Variants in VPS13B observed in about 807,000 individuals in gnomAD.
The protein encoded by VPS13B is vacuolar protein sorting 13 homolog B.
In VPS13B, 285 loss-of-function variants were observed where a neutral mutation model predicts 426.4. The observed-to-expected ratio is 0.67, with a 90% CI of 0.61 to 0.74. The LOEUF (loss-of-function observed/expected upper bound fraction) is 0.74. Ranked by LOEUF, VPS13B falls within the 30% of genes least tolerant of loss-of-function variation. VPS13B has a pLI of 0.00. For synonymous variants in VPS13B, 1,676 were observed against 1,676.4 expected, an observed-to-expected ratio of 1.00 and a Z score of 0.01; for missense variants, 4,537 against 4,782.6, an observed-to-expected ratio of 0.95 and a Z score of 1.51.
chr8:99,038,606 T>G (rs1352940987), intron 3 of VPS13B, 40 bp downstream of exon 3: 1 of 1,577,212 alleles, frequency 6.3e-7, no homozygotes, highest in South Asian at 1.1e-5. Flanking sequence ...GTTAACTAAT[T>G]TTAGTAGTAT....
At chr8:99,572,193 A>G (rs908528659) in intron 31 of VPS13B, among the ~76,000 whole-genome samples, 57 of 152,344 alleles carry the variant, frequency 3.7e-4, no homozygotes, top group Middle Eastern at 3.4e-3. Context: ...TTATTAGTTG[A>G]TAAAATGAAA....
chr8:99,628,723 A>G (rs925299329), intron 33 of VPS13B, among the ~76,000 whole-genome samples: 2 of 152,068 alleles, frequency 1.3e-5, no homozygotes, highest in Non-Finnish European at 1.5e-5. Flanking sequence ...AATGAACTCC[A>G]GAGTTATATT....
At chr8:99,698,633 T>C (rs1832133733) in intron 35 of VPS13B, among the ~76,000 whole-genome samples, 2 of 152,230 alleles carry the variant, frequency 1.3e-5, no homozygotes, top group African/African-American at 4.8e-5. Flanking sequence ...CAGGGTGTCA[T>C]GAAATGAGCA....
chr8:99,616,162 A>T (rs968141258), intron 33 of VPS13B, among the ~76,000 whole-genome samples: 21 of 152,164 alleles, frequency 1.4e-4, no homozygotes, highest in Admixed American at 5.2e-4. Context: ...ATTAATTTGG[A>T]CTTTACCATT....
At chr8:99,207,945 C>T (rs1814823001) in intron 17 of VPS13B, among the ~76,000 whole-genome samples, 1 of 152,108 alleles carries the variant, frequency 6.6e-6, no homozygotes, top group Non-Finnish European at 1.5e-5. Context: ...TCTGTGTCAC[C>T]TATTACAAGA....
chr8:99,758,137 G>A (rs577155469), intron 39 of VPS13B, among the ~76,000 whole-genome samples: 1 of 152,258 alleles, frequency 6.6e-6, no homozygotes, highest in South Asian at 2.1e-4. Context: ...AAAACTAAAA[G>A]CACATAATAA....
chr8:99,224,699 A>G (rs946272882), intron 17 of VPS13B, among the ~76,000 whole-genome samples: 1 of 152,094 alleles, frequency 6.6e-6, no homozygotes, highest in African/African-American at 2.4e-5. Flanking sequence ...AATTCTCCAC[A>G]TTCCCTTCCA....
At chr8:99,781,756 C>A (rs887397045) in intron 42 of VPS13B, among the ~76,000 whole-genome samples, 10 of 152,096 alleles carry the variant, frequency 6.6e-5, no homozygotes, top group African/African-American at 1.9e-4. Flanking sequence ...CAAGCCCCAT[C>A]TGGTAACTTA....
chr8:99,664,229 A>T (rs1420337236), intron 35 of VPS13B, among the ~76,000 whole-genome samples: 1 of 151,010 alleles, frequency 6.6e-6, no homozygotes, highest in African/African-American at 2.4e-5. Flanking sequence ...CTGGTCTCTA[A>T]CTCCTGACCA....
intron 8 of VPS13B, among the ~76,000 whole-genome samples, chr8:99,129,303 G>T (rs1168634202): frequency 6.6e-6 from 1 of 151,228 alleles, no homozygotes; most frequent in Admixed American, 6.6e-5. Flanking sequence ...TAATAAAAAG[G>T]CAACTGTTGA....
At chr8:99,448,853 G>A (rs916264171) in intron 23 of VPS13B, among the ~76,000 whole-genome samples, 1 of 151,920 alleles carries the variant, frequency 6.6e-6, no homozygotes, top group African/African-American at 2.4e-5. Context: ...TCATTTTGTT[G>A]GTTTCAAAAT....
chr8:99,085,551 G>C (rs1030582778), intron 3 of VPS13B, among the ~76,000 whole-genome samples: 1 of 152,158 alleles, frequency 6.6e-6, no homozygotes, highest in African/African-American at 2.4e-5. Context: ...AGCATCGATG[G>C]TGTTTACAGT....
chr8:99,148,135 C>A, intron 14 of VPS13B, 125 bp downstream of exon 14: 3 of 1,055,594 alleles, frequency 2.8e-6, no homozygotes, highest in Non-Finnish European at 2.8e-6. Flanking sequence ...CCTGGCAATT[C>A]AGGAGGCTGG....
chr8:99,784,056 G>A (rs993723910), intron 42 of VPS13B, among the ~76,000 whole-genome samples: 1 of 152,126 alleles, frequency 6.6e-6, no homozygotes, highest in Non-Finnish European at 1.5e-5. Context: ...GGATCTCATT[G>A]TTCTTTTACT....
chr8:99,085,910 G>C (rs147772776), intron 3 of VPS13B, among the ~76,000 whole-genome samples: 2,565 of 152,276 alleles, frequency 0.017, 46 homozygotes, highest in Non-Finnish European at 0.024. Context: ...TTTGGTGAAT[G>C]TGACAATTAT....
intron 3 of VPS13B, among the ~76,000 whole-genome samples, chr8:99,086,805 T>C (rs1845835127): frequency 6.6e-6 from 1 of 152,168 alleles, no homozygotes; most frequent in Admixed American, 6.6e-5. Context: ...GCTGCCTGAT[T>C]GTTCCTCTGG....
At chr8:99,366,247 A>G (rs1812882572) in intron 19 of VPS13B, among the ~76,000 whole-genome samples, 1 of 151,968 alleles carries the variant, frequency 6.6e-6, no homozygotes, top group Non-Finnish European at 1.5e-5. Flanking sequence ...CTCTAATAAT[A>G]TTTGCTTTAT....
chr8:99,369,263 A>G (rs1286088832), intron 19 of VPS13B, among the ~76,000 whole-genome samples: 1 of 152,234 alleles, frequency 6.6e-6, no homozygotes, highest in Non-Finnish European at 1.5e-5. Flanking sequence ...TGTTAGTTAA[A>G]GAATGAAAGA....
In VPS13B at chr8:99,135,492, G is replaced by A; in HGVS notation, c.1426-104G>A. 3 of 1,406,712 alleles carry A rather than the reference G, an allele frequency of 2.1e-6. No homozygotes were observed. The South Asian group carries it at 3.9e-5, about 18-fold the overall frequency. 87.1% of individuals were successfully genotyped at this position (1,406,712 alleles called of 1,614,324 possible). The stretch of plus-strand genomic sequence containing the variant: ...GCATTCCTTATCTTTCTGTTTTAGT[G>A]ATTTCTTTTGACTAGTAAATGGGCA... On this transcript the variant is annotated intron_variant, in intron 10 of 61. Transcript: ENST00000357162.
Sources: allele counts gnomAD v4.1 joint callset (sites outside exome capture counted in the v4.1 genomes callset), GRCh38; gene constraint gnomAD v4.1.1; transcripts MANE v1.5; gene names NCBI Gene and HGNC (gene_info 2026-07-23, HGNC 2026-07-21).